The following ZDHHC11B variants were observed in gnomAD, a reference collection of about 807,000 sequenced individuals.
ZDHHC11B encodes probable palmitoyltransferase ZDHHC11B.
ZDHHC11B carries 17 observed loss-of-function variants against 42.3 expected under a neutral mutation model. The observed-to-expected ratio is 0.40, with a 90% CI of 0.27 to 0.60. The LOEUF is 0.60. ZDHHC11B is among the 20% of genes least tolerant of loss of function. ZDHHC11B has a pLI of 0.41. For missense variants in ZDHHC11B, 262 were observed against 463.2 expected (o/e 0.57, Z 3.99); for synonymous variants, 123 against 193.5 (o/e 0.64, Z 3.02).
chr5:751,410 G>GCGTGGGGTGTGCAGGGGCATGCGGTGCA (rs1554036609), intron 6 of ZDHHC11B, among the ~76,000 whole-genome samples, 153 bp from the exon 7 acceptor site: 1 of 51,402 alleles, frequency 1.9e-5, no homozygotes, highest in African/African-American at 4.8e-5. Context: ...GCAAGGGCAG[G>GCGTGGGGTGTGCAGGGGCATGCGGTGCA]TGTGGGACAG....
At chr5:729,159 C>T (rs1321498316) in intron 12 of ZDHHC11B, among the ~76,000 whole-genome samples, 1 of 151,274 alleles carries the variant, frequency 6.6e-6, no homozygotes, top group African/African-American at 2.4e-5. Flanking sequence ...TAGAGGAACC[C>T]CAAGCAGCTC....
In ZDHHC11B at chr5:774,921, C is replaced by T. The variant is rs1323554861; in HGVS notation, c.-229-5991G>A. 4.3e-4 allele frequency among the ~76,000 whole-genome samples: 65 copies of T among 152,026 alleles called. 2 individuals carry two copies. Among genetic ancestry groups the T allele is most frequent in the African/African-American group, 1.5e-3 (63 of 41,394 alleles). ...GGGGGTGGCGCCGACAGAGCCTACACCACTGCTCTTCACGTGGATGGCTGT... is the reference window on the plus strand; with the variant it reads ...GGGGGTGGCGCCGACAGAGCCTACATCACTGCTCTTCACGTGGATGGCTGT... On this transcript the variant is annotated intron_variant, in intron 1 of 13. Transcript: ENST00000508859.
chr5:716,412 A>C (rs1741753910), intron 13 of ZDHHC11B, among the ~76,000 whole-genome samples: 1 of 151,774 alleles, frequency 6.6e-6, no homozygotes, highest in Non-Finnish European at 1.5e-5. Flanking sequence ...GAAAGCAGGG[A>C]TAGGTAGGAT....
At chr5:746,349 T>A (rs1370216097) in intron 8 of ZDHHC11B, among the ~76,000 whole-genome samples, 1 of 147,076 alleles carries the variant, frequency 6.8e-6, no homozygotes, top group Non-Finnish European at 1.5e-5. Context: ...CCACAGCCCC[T>A]CCAGTCCTGT....
chr5:717,390 G>C (rs1579232056), intron 12 of ZDHHC11B, among the ~76,000 whole-genome samples: 2 of 149,684 alleles, frequency 1.3e-5, no homozygotes, highest in Admixed American at 6.6e-5. Flanking sequence ...GCTGGCAGGA[G>C]AGGTGACCGT....
At chr5:773,098 C>A (rs1283432188) in intron 1 of ZDHHC11B, among the ~76,000 whole-genome samples, 2 of 151,836 alleles carry the variant, frequency 1.3e-5, no homozygotes, top group Non-Finnish European at 2.9e-5. Flanking sequence ...ATTAGACCCA[C>A]GTGCTGTTTC....
At chr5:714,185 C>G (rs1370716539) in intron 13 of ZDHHC11B, among the ~76,000 whole-genome samples, 1 of 131,370 alleles carries the variant, frequency 7.6e-6, no homozygotes, top group Non-Finnish European at 1.6e-5. Flanking sequence ...TGACTTGCCA[C>G]ATGACTAGAA....
At chr5:777,977 G>A (rs1246648617) in intron 1 of ZDHHC11B, among the ~76,000 whole-genome samples, 2 of 152,002 alleles carry the variant, frequency 1.3e-5, no homozygotes, top group South Asian at 2.1e-4. Context: ...GCAGGGAGGC[G>A]GCTGAGGCCC....
chr5:765,301 T>G (rs572919910), intron 4 of ZDHHC11B, among the ~76,000 whole-genome samples: 3 of 149,616 alleles, frequency 2.0e-5, no homozygotes, highest in Admixed American at 6.6e-5. Flanking sequence ...ATCTAGCTAA[T>G]CTGGTGGGGA....
intron 1 of ZDHHC11B, among the ~76,000 whole-genome samples, chr5:774,372 C>A (rs1481060026): frequency 3.9e-5 from 6 of 152,186 alleles, no homozygotes; most frequent in African/African-American, 1.4e-4. Context: ...TAAGCGGGGC[C>A]AGGCACTAGG....
chr5:711,322 TC>T lies in ZDHHC11B; in HGVS notation c.*967del. ...ATTCCCAGTACTGTGGGCTCCCCTT[TC>T]CCAGTACTGTGCTCCCATTTCCCAG... On this transcript the variant is annotated 3_prime_UTR_variant, in exon 14 of 14. Transcript: ENST00000508859. 1 of 151,014 alleles carries T rather than the reference TC, an allele frequency of 6.6e-6. No individual in the cohort carries two copies. The highest frequency in any genetic ancestry group is 1.5e-5 in the Non-Finnish European group (1 of 68,352). 9.4% of individuals were successfully genotyped at this position (151,014 alleles called of 1,614,324 possible). A position where few individuals can be genotyped will look rare whatever the true frequency, so the allele number is the denominator to read the frequency against.
intron 4 of ZDHHC11B, among the ~76,000 whole-genome samples, chr5:765,849 G>A (rs1391696911): frequency 1.3e-5 from 2 of 151,894 alleles, no homozygotes; most frequent in Non-Finnish European, 2.9e-5. Context: ...TCACCGCGAG[G>A]GTCTGCGGCT....
At chr5:754,335 G>GTGAGCCTCCACCATGCTCAGTGGAAAC (rs1457637757) in intron 6 of ZDHHC11B, among the ~76,000 whole-genome samples, 2 of 25,904 alleles carry the variant, frequency 7.7e-5, no homozygotes, top group African/African-American at 2.2e-4. Flanking sequence ...TCAGGGGAAA[G>GTGAGCCTCCACCATGCTCAGTGGAAAC]ACCTCTCATC....
chr5:761,849 C>T (rs1734655594), intron 4 of ZDHHC11B, among the ~76,000 whole-genome samples: 1 of 152,016 alleles, frequency 6.6e-6, no homozygotes, highest in Non-Finnish European at 1.5e-5. Context: ...CCTGGACAGC[C>T]TCTCACAGAC....
Position 745,171 on chromosome 5 carries a change from G to C in ZDHHC11B, c.900+12C>G, listed in dbSNP as rs567077125. ...CAGGCCTGGAGAAAAGGAGCAGAGA[G>C]ACAGGTGGTACCTGGAGAAATCCTT... On this transcript the variant is annotated intron_variant, in intron 9 of 13. Transcript: ENST00000508859. The C allele has an allele frequency of 4.3e-6, 5 of 1,153,662 alleles. No individual in the cohort carries two copies. The highest frequency in any genetic ancestry group is 6.3e-6 in the Non-Finnish European group (5 of 798,166). 71.5% of individuals were successfully genotyped at this position (1,153,662 alleles called of 1,614,324 possible). A position where few individuals can be genotyped will look rare whatever the true frequency, so the allele number is the denominator to read the frequency against.
chr5:777,181 T>C (rs900822809), intron 1 of ZDHHC11B, among the ~76,000 whole-genome samples: 1 of 151,906 alleles, frequency 6.6e-6, no homozygotes, highest in Non-Finnish European at 1.5e-5. Flanking sequence ...TTCTGGTGGG[T>C]TCGTGGTCTC....
rs555419061 is a variant in ZDHHC11B, at chr5:756,692, G to A, written c.223-548C>T. 9.2e-5 allele frequency among the ~76,000 whole-genome samples: 14 copies of A among 151,772 alleles called. No homozygotes were observed. In the East Asian group the frequency reaches 1.5e-3, roughly 17 times the overall value. On this transcript the variant is annotated intron_variant, in intron 4 of 13. Transcript: ENST00000508859. ...ATACAGCCCCAAAGGCCCTGGAGGAGCCTGGGTTCTTTCATACCAGAGACC... is the reference window on the plus strand; with the variant it reads ...ATACAGCCCCAAAGGCCCTGGAGGAACCTGGGTTCTTTCATACCAGAGACC...
intron 12 of ZDHHC11B, among the ~76,000 whole-genome samples, chr5:719,286 A>G (rs1742007409): frequency 6.6e-6 from 1 of 151,624 alleles, no homozygotes; most frequent in African/African-American, 2.4e-5. Context: ...ATAGAATAAT[A>G]TGGCCCACTC....
At chr5:773,053 G>A (rs1378403975) in intron 1 of ZDHHC11B, among the ~76,000 whole-genome samples, 6 of 151,968 alleles carry the variant, frequency 3.9e-5, no homozygotes, top group African/African-American at 7.3e-5. Context: ...GATCAGGAGC[G>A]GAGAAGATGG....
Sources: gnomAD v4.1 joint callset for allele counts (sites outside exome capture counted in the v4.1 genomes callset) on GRCh38, gnomAD v4.1.1 for gene constraint, MANE v1.5 for transcripts, NCBI Gene and HGNC (gene_info 2026-07-23, HGNC 2026-07-21) for gene names.